ZZEF1: variants seen among roughly 807,000 people sequenced by gnomAD.
ZZEF1 encodes the protein zinc finger ZZ-type and EF-hand domain containing 1.
Under a neutral mutation model 342.8 loss-of-function variants are expected in ZZEF1, and 157 were observed. The observed-to-expected ratio is 0.46, with a 90% CI of 0.40 to 0.52. ZZEF1 has a LOEUF of 0.52. Among genes scored for constraint, ZZEF1 ranks in the 20% least tolerant of loss-of-function variants. The pLI is 0.00. For missense variants in ZZEF1, 3,480 were observed against 3,725.6 expected (o/e 0.93, Z 1.72); for synonymous variants, 1,505 against 1,429.1 (o/e 1.05, Z -1.20).
intron 33 of ZZEF1, among the ~76,000 whole-genome samples, chr17:4,055,417 T>C (rs2057136361): frequency 6.6e-6 from 1 of 152,206 alleles, no homozygotes. Context: ...GTGGTAGCGA[T>C]GGATTTAACA....
chr17:4,034,194 G>T lies in ZZEF1; in HGVS notation c.6405C>A (p.Leu2135=). 1 of 1,614,230 alleles carries T rather than the reference G, an allele frequency of 6.2e-7. No homozygotes were observed. The highest frequency in any genetic ancestry group is 8.5e-7 in the Non-Finnish European group (1 of 1,180,048). ...TTAACTGGCCGAGAAGACCCAGGGT[G>T]AGATGGTAGGTTTCATTCAGGTGGC... ...NAGHLNETYH[L]TLGLLGQLII... The change falls in exon 40 of 55, where the codon CTC becomes CTA. Residue 2135 remains leucine, a synonymous_variant. Coordinates refer to ENST00000381638, the MANE Select transcript of ZZEF1 (RefSeq NM_015113.4).
intron 37 of ZZEF1, 98 bp downstream of exon 37, chr17:4,049,610 G>A (rs1486207307): frequency 2.1e-6 from 3 of 1,431,290 alleles, no homozygotes; most frequent in South Asian, 2.6e-5. Context: ...TCTGGGTTAG[G>A]AGTCTGTGCT....
At position 4,088,727 on chromosome 17, in the gene ZZEF1, G is replaced by A. The variant is rs2057887895; in HGVS notation, c.2192C>T (p.Thr731Met). The change falls in exon 13 of 55, where the codon ACG becomes ATG. Residue 731 changes from threonine (T) to methionine (M), a missense_variant. This residue lies in a region of ZZEF1 where 1,528 missense variants were observed against 1,624.1 expected (regional missense o/e 0.94). Transcript: ENST00000381638. Reference sequence around the variant, plus strand: ...AAACTGAAGGGTCCTGAGGAGCAACGTGGCCCCACAGACACTCTCCTCTGT... The same window carrying A: ...AAACTGAAGGGTCCTGAGGAGCAACATGGCCCCACAGACACTCTCCTCTGT... ...KDTEESVCGA[T>M]LLLRTLQFIQ... 5 of 1,614,184 alleles carry A rather than the reference G, an allele frequency of 3.1e-6. No homozygotes were observed. The highest frequency in any genetic ancestry group is 1.1e-5 in the South Asian group (1 of 91,088).
At chr17:4,114,583 A>G in intron 3 of ZZEF1, 113 bp from the exon 4 acceptor site, 1 of 874,690 alleles carries the variant, frequency 1.1e-6, no homozygotes, top group Non-Finnish European at 1.6e-6. Context: ...TAGAAACACA[A>G]ATCTTCCTTA....
rs1416385974 is a variant in ZZEF1 at position 4,032,986 on chromosome 17, A to T, written c.6601T>A (p.Trp2201Arg). ...VCLDSRVGLD[W>R]ACSMAEILRS... ...AGGATCTCTGCCATGGAGCACGCCC[A>T]GTCCAAGCCCACCCGGCTGGAAGGC... is the stretch of plus-strand genomic sequence containing the variant. The change falls in exon 41 of 55, where the codon TGG (tryptophan) becomes AGG (arginine). Residue 2201 changes from tryptophan (W) to arginine (R), a missense_variant. Coordinates refer to ENST00000381638, the MANE Select transcript of ZZEF1 (RefSeq NM_015113.4). 1.3e-6 allele frequency: 2 copies of T among 1,581,230 alleles called. No individual in the cohort carries two copies. The highest frequency in any genetic ancestry group is 1.3e-5 in the African/African-American group (1 of 74,302).
chr17:4,075,146 C>A lies in ZZEF1; in HGVS notation c.3434G>T (p.Gly1145Val). The change falls in exon 23 of 55, where the codon GGT becomes GTT. Residue 1145 changes from glycine (G) to valine (V), a missense_variant. Coordinates refer to ENST00000381638, the MANE Select transcript of ZZEF1 (RefSeq NM_015113.4). Reference sequence around the variant, plus strand: ...TTTTGTGTCATAGCGTGTTTTCCGACCTCTAGCGTCGGTAAATTCCAGATA... The same window carrying A: ...TTTTGTGTCATAGCGTGTTTTCCGAACTCTAGCGTCGGTAAATTCCAGATA... ...YDYLEFTDAR[G>V]RKTRYDTKVG... The A allele has an allele frequency of 6.2e-7, 1 of 1,614,230 alleles. No homozygotes were observed. Among genetic ancestry groups the A allele is most frequent in the Non-Finnish European group, 8.5e-7 (1 of 1,180,050 alleles).
At chr17:4,122,862 A>G (rs1259680015) in intron 2 of ZZEF1, among the ~76,000 whole-genome samples, 2 of 151,050 alleles carry the variant, frequency 1.3e-5, no homozygotes, top group Non-Finnish European at 3.0e-5. Flanking sequence ...CCTAATTTTT[A>G]TTTTACTATA....
At chr17:4,131,685 T>C (rs1481509286) in intron 1 of ZZEF1, among the ~76,000 whole-genome samples, 1 of 151,590 alleles carries the variant, frequency 6.6e-6, no homozygotes, top group East Asian at 1.9e-4. Flanking sequence ...GAGGCTGAGG[T>C]GGGAGGATCA....
chr17:4,058,835 C>A (rs2057224772), intron 31 of ZZEF1, among the ~76,000 whole-genome samples: 1 of 152,176 alleles, frequency 6.6e-6, no homozygotes, highest in African/African-American at 2.4e-5. Flanking sequence ...ACAATTGAGT[C>A]ACTGCACTCT....
At chr17:4,059,142 T>C (rs778167774) in intron 31 of ZZEF1, 29 bp downstream of exon 31, 23 of 1,528,028 alleles carry the variant, frequency 1.5e-5, no homozygotes, top group Admixed American at 4.9e-5. Flanking sequence ...ACATTTTTTT[T>C]CTCTAGAAAT....
At chr17:4,060,542 CTT>C (rs59356460) in intron 30 of ZZEF1, among the ~76,000 whole-genome samples, 31,457 of 151,238 alleles carry the variant, frequency 0.21, 3,477 homozygotes, top group African/African-American at 0.29. Context: ...CAGCGAAACT[CTT>C]GTCTCAAGAC....
chr17:4,136,281 T>G (rs1175039229), intron 1 of ZZEF1, among the ~76,000 whole-genome samples: 1 of 148,386 alleles, frequency 6.7e-6, no homozygotes, highest in Non-Finnish European at 1.5e-5. Context: ...GAGGTGGAGG[T>G]TGCAGTGAGC....
chr17:4,042,377 CCTT>C, intron 39 of ZZEF1, 49 bp downstream of exon 39: 1 of 1,565,040 alleles, frequency 6.4e-7, no homozygotes, highest in South Asian at 1.2e-5. Flanking sequence ...CTTTCCAAAA[CCTT>C]CTTCTATGCA....
At chr17:4,043,042 C>T (rs748820045) in intron 38 of ZZEF1, among the ~76,000 whole-genome samples, 32 of 152,192 alleles carry the variant, frequency 2.1e-4, no homozygotes, top group Non-Finnish European at 3.8e-4. Flanking sequence ...TTTCCTTCTC[C>T]AGGAGGCCTG....
intron 21 of ZZEF1, 51 bp from the exon 22 acceptor site, chr17:4,075,480 T>A: frequency 2.5e-6 from 4 of 1,587,066 alleles, no homozygotes; most frequent in Non-Finnish European, 3.4e-6. Context: ...ACTAGACACC[T>A]AGCCACATGC....
intron 11 of ZZEF1, among the ~76,000 whole-genome samples, chr17:4,094,683 C>A (rs1348793452): frequency 6.6e-6 from 1 of 152,194 alleles, no homozygotes; most frequent in African/African-American, 2.4e-5. Context: ...ATTTCCCCAC[C>A]TGCTCAAGCC....
intron 42 of ZZEF1, 55 bp downstream of exon 42, chr17:4,032,071 G>A (rs1017166886): frequency 7.0e-6 from 11 of 1,576,068 alleles, no homozygotes; most frequent in African/African-American, 1.4e-5. Context: ...TTTAGGGTAC[G>A]GAGGGATTAG....
chr17:4,033,202 C>T (rs764405034), intron 40 of ZZEF1, 200 bp from the exon 41 acceptor site: 1 of 510,902 alleles, frequency 2.0e-6, no homozygotes, highest in Non-Finnish European at 3.4e-6. Context: ...ACATACTCAC[C>T]CTACGGCTGT....
At position 4,111,373 on chromosome 17, in the gene ZZEF1, T is replaced by C. The variant is rs1253032118; in HGVS notation, c.1066+1236A>G. 2.6e-5 allele frequency among the ~76,000 whole-genome samples: 4 copies of C among 152,232 alleles called. No individual in the cohort carries two copies. The East Asian group carries it at 5.8e-4, about 22-fold the overall frequency. On this transcript the variant is annotated intron_variant, in intron 5 of 54. Transcript: ENST00000381638. The stretch of plus-strand genomic sequence containing the variant: ...TATGAAAATGTGAATAAAATTATTT[T>C]TAATGGGCCAGTGCAGTGACTCATG...
Sources: allele counts gnomAD v4.1 joint callset (sites outside exome capture counted in the v4.1 genomes callset), GRCh38; gene constraint gnomAD v4.1.1; regional missense constraint gnomAD v4.1.1; transcripts MANE v1.5; gene names NCBI Gene and HGNC (gene_info 2026-07-23, HGNC 2026-07-21).